Variants in GABBR2 observed in about 807,000 individuals in gnomAD.
GABBR2 encodes the protein G-protein coupled receptor 51.
GABBR2 carries 23 observed loss-of-function variants against 105.6 expected under a neutral mutation model. That is an observed-to-expected ratio of 0.22 (90% CI 0.16 to 0.31). The LOEUF (loss-of-function observed/expected upper bound fraction) is 0.31. GABBR2 is among the 10% of genes least tolerant of loss of function. The probability of loss-of-function intolerance (pLI) is 1.00; values close to 1 mark genes in which losing one functional copy is unlikely to be tolerated. For missense variants in GABBR2, 734 were observed against 1,245.5 expected (o/e 0.59, Z 6.18); for synonymous variants, 478 against 499.7 (o/e 0.96, Z 0.58).
At chr9:98,629,376 A>T (rs2131827549) in intron 1 of GABBR2, among the ~76,000 whole-genome samples, 1 of 152,372 alleles carries the variant, frequency 6.6e-6, no homozygotes, top group South Asian at 2.1e-4. Context: ...GATTCTAATC[A>T]TTCAGCCTAA....
chr9:98,474,348 A>G (rs1826746085), intron 5 of GABBR2, among the ~76,000 whole-genome samples: 1 of 152,094 alleles, frequency 6.6e-6, no homozygotes, highest in Non-Finnish European at 1.5e-5. Context: ...ATTATTTTAT[A>G]TCAGGAAAAT....
intron 7 of GABBR2, among the ~76,000 whole-genome samples, chr9:98,407,839 A>G (rs914264868): frequency 5.3e-4 from 81 of 152,214 alleles, no homozygotes; most frequent in African/African-American, 1.8e-3. Context: ...TTTGTGAACA[A>G]AACTAGTCCA....
intron 1 of GABBR2, among the ~76,000 whole-genome samples, chr9:98,699,635 C>T (rs1303359512): frequency 6.6e-6 from 1 of 152,196 alleles, no homozygotes; most frequent in Admixed American, 6.5e-5. Context: ...CAGTGCCTGC[C>T]CTTTTGGTGC....
At chr9:98,546,125 T>G (rs1828396083) in intron 2 of GABBR2, among the ~76,000 whole-genome samples, 2 of 152,198 alleles carry the variant, frequency 1.3e-5, no homozygotes, top group Admixed American at 1.3e-4. Context: ...TTTATTGAGA[T>G]TTTCTTTGTG....
intron 3 of GABBR2, among the ~76,000 whole-genome samples, chr9:98,508,435 G>A (rs13293702): frequency 3.3e-5 from 5 of 152,080 alleles, no homozygotes; most frequent in African/African-American, 1.2e-4. Flanking sequence ...TGGGTGCAGC[G>A]CACCGTGCGC....
chr9:98,512,006 C>G (rs542975620), intron 3 of GABBR2, among the ~76,000 whole-genome samples: 4 of 152,032 alleles, frequency 2.6e-5, no homozygotes, highest in Non-Finnish European at 5.9e-5. Context: ...CAGAAATCCT[C>G]AATAAAATAC....
chr9:98,452,566 CATT>C (rs1189437269), intron 7 of GABBR2, among the ~76,000 whole-genome samples: 2 of 152,206 alleles, frequency 1.3e-5, no homozygotes, highest in Non-Finnish European at 2.9e-5. Context: ...ATGGTGTAAT[CATT>C]ATTAACAGTA....
intron 1 of GABBR2, among the ~76,000 whole-genome samples, chr9:98,697,282 G>T (rs1221071819): frequency 2.6e-5 from 4 of 152,200 alleles, no homozygotes; most frequent in Non-Finnish European, 4.4e-5. Flanking sequence ...ACGAGGTCAG[G>T]AGATGGAGAC....
intron 16 of GABBR2, chr9:98,302,953 C>A (rs1419588759): frequency 4.8e-6 from 2 of 414,106 alleles, no homozygotes; most frequent in African/African-American, 2.0e-5. Context: ...TATGATAATC[C>A]AGAAGCTCAC....
chr9:98,647,729 A>G (rs1172002079), intron 1 of GABBR2, among the ~76,000 whole-genome samples: 4 of 152,222 alleles, frequency 2.6e-5, no homozygotes, highest in African/African-American at 9.6e-5. Flanking sequence ...AAGAAATGCA[A>G]GAGGGTAATA....
chr9:98,526,625 T>C (rs367699159), intron 3 of GABBR2, among the ~76,000 whole-genome samples: 39 of 152,346 alleles, frequency 2.6e-4, no homozygotes, highest in East Asian at 1.3e-3. Context: ...CCCACTAGAA[T>C]GTAAGCTCCT....
At chr9:98,609,841 C>T (rs751940351) in intron 1 of GABBR2, among the ~76,000 whole-genome samples, 2 of 152,198 alleles carry the variant, frequency 1.3e-5, no homozygotes, top group Non-Finnish European at 2.9e-5. Context: ...AGCTCCAAAC[C>T]CAGGCTCAGG....
At chr9:98,610,278 A>G (rs1295909662) in intron 1 of GABBR2, among the ~76,000 whole-genome samples, 3 of 152,276 alleles carry the variant, frequency 2.0e-5, no homozygotes, top group Admixed American at 1.3e-4. Flanking sequence ...AATAGTGCCT[A>G]TTTCATGAGG....
chr9:98,662,450 G>A (rs35149830), intron 1 of GABBR2, among the ~76,000 whole-genome samples: 1 of 152,304 alleles, frequency 6.6e-6, no homozygotes, highest in African/African-American at 2.4e-5. Flanking sequence ...ACCAATTTCA[G>A]AGGAGTGTGA....
At chr9:98,442,171 G>A (rs1012375993) in intron 7 of GABBR2, among the ~76,000 whole-genome samples, 3 of 152,254 alleles carry the variant, frequency 2.0e-5, no homozygotes, top group African/African-American at 7.2e-5. Flanking sequence ...CAGGGGAAAG[G>A]TGGGTACAAT....
intron 7 of GABBR2, among the ~76,000 whole-genome samples, chr9:98,427,390 A>G (rs1161264396): frequency 6.6e-6 from 1 of 152,136 alleles, no homozygotes; most frequent in African/African-American, 2.4e-5. Context: ...TCTTATATTT[A>G]CAGGACTTGT....
intron 13 of GABBR2, among the ~76,000 whole-genome samples, chr9:98,346,341 G>T (rs535462455): frequency 1.1e-4 from 16 of 152,340 alleles, no homozygotes; most frequent in Non-Finnish European, 1.9e-4. Flanking sequence ...AATGTTCACA[G>T]CATCTTCATC....
intron 9 of GABBR2, among the ~76,000 whole-genome samples, chr9:98,393,000 G>A (rs62574578): frequency 3.2e-4 from 32 of 98,550 alleles, no homozygotes; most frequent in Non-Finnish European, 4.7e-4. Context: ...CCATCCATCC[G>A]CCCATTCACA....
In GABBR2 at chr9:98,655,891, G is replaced by A. The variant is rs368523592; in HGVS notation, c.321+52526C>T. Among the ~76,000 whole-genome samples, 30 of 152,224 alleles carry A rather than the reference G, an allele frequency of 2.0e-4. 1 individual carries two copies. The highest frequency in any genetic ancestry group is 1.2e-3 in the Admixed American group (19 of 15,294). On this transcript the variant is annotated intron_variant, in intron 1 of 18. Coordinates refer to ENST00000259455, the MANE Select transcript of GABBR2 (RefSeq NM_005458.8). Reference sequence around the variant, plus strand: ...AGGAGAAATACCTAATGTAGATCACGGGTTGATGGGTGCAGCAAACCACCA... The same window carrying A: ...AGGAGAAATACCTAATGTAGATCACAGGTTGATGGGTGCAGCAAACCACCA...
Sources: gnomAD v4.1 joint callset for allele counts (sites outside exome capture counted in the v4.1 genomes callset) on GRCh38, gnomAD v4.1.1 for gene constraint, MANE v1.5 for transcripts, NCBI Gene and HGNC (gene_info 2026-07-23, HGNC 2026-07-21) for gene names.